The following SRGAP3 variants were observed in gnomAD, a reference collection of about 807,000 sequenced individuals.
The protein encoded by SRGAP3 is SLIT-ROBO Rho GTPase-activating protein 3.
A neutral mutation model predicts 121.1 loss-of-function variants in SRGAP3; 39 were observed. That is an observed-to-expected ratio of 0.32 (90% CI 0.25 to 0.42). The LOEUF is 0.42. SRGAP3 is among the 10% of genes least tolerant of loss of function. The probability of loss-of-function intolerance (pLI) is 1.00; values close to 1 mark genes in which losing one functional copy is unlikely to be tolerated. For missense variants in SRGAP3, 1,213 were observed against 1,470.6 expected, an observed-to-expected ratio of 0.82 and a Z score of 2.86; for synonymous variants, 601 against 570.0, an observed-to-expected ratio of 1.05 and a Z score of -0.77.
At chr3:9,301,670 A>G (rs1955057531) in intron 3 of SRGAP3, among the ~76,000 whole-genome samples, 1 of 152,210 alleles carries the variant, frequency 6.6e-6, no homozygotes, top group Non-Finnish European at 1.5e-5. Flanking sequence ...ACTGGCTTCA[A>G]GAGGAGGTAG....
At chr3:9,220,122 A>G (rs1485363101) in intron 1 of SRGAP3, among the ~76,000 whole-genome samples, 2 of 152,152 alleles carry the variant, frequency 1.3e-5, no homozygotes, top group African/African-American at 4.8e-5. Flanking sequence ...TCAAAAGCAC[A>G]ATAGGGTGAC....
Position 9,010,349 on chromosome 3 carries a change from A to G in SRGAP3, c.2186T>C (p.Val729Ala), listed in dbSNP as rs768484344. ...AGGCTCAGTGCCATTGTCATGGTCA[A>G]CTTCATCGATGGCCCCTGGCTCGCT... is the stretch of plus-strand genomic sequence containing the variant. Reference protein sequence around the residue: ...PHSEPGAIDEVDHDNGTEPHT... With the variant: ...PHSEPGAIDEADHDNGTEPHT... The change falls in exon 18 of 22, where the codon GTT becomes GCT. Residue 729 changes from valine to alanine, a missense_variant. By Grantham distance (64) the Val-to-Ala change is moderately conservative. This residue lies in a region of SRGAP3 where 793 missense variants were observed against 1,032.9 expected (regional missense o/e 0.77). Transcript: ENST00000383836. 3.7e-6 allele frequency: 6 copies of G among 1,613,948 alleles called. No individual in the cohort carries two copies. In the Admixed American group the frequency reaches 5.0e-5, roughly 13 times the overall value.
chr3:9,168,155 C>T (rs944805455), intron 1 of SRGAP3, among the ~76,000 whole-genome samples: 1 of 152,228 alleles, frequency 6.6e-6, no homozygotes, highest in Non-Finnish European at 1.5e-5. Flanking sequence ...AACAGGAGTG[C>T]AACGAAGTCA....
intron 3 of SRGAP3, among the ~76,000 whole-genome samples, chr3:9,086,757 A>G (rs1203769748): frequency 1.3e-5 from 2 of 148,634 alleles, no homozygotes; most frequent in Non-Finnish European, 3.0e-5. Flanking sequence ...TATGTATTAC[A>G]TATACATATA....
At chr3:9,285,694 G>C (rs780804041) in intron 3 of SRGAP3, among the ~76,000 whole-genome samples, 1 of 151,676 alleles carries the variant, frequency 6.6e-6, no homozygotes, top group Non-Finnish European at 1.5e-5. Flanking sequence ...TACTCAGGAA[G>C]CTGAGGCAGG....
intron 1 of SRGAP3, among the ~76,000 whole-genome samples, chr3:9,204,651 CTTTTT>C (rs34957395): frequency 1.1e-4 from 16 of 150,250 alleles, no homozygotes; most frequent in South Asian, 2.1e-4. Context: ...TCCCTAAGGT[CTTTTT>C]TTTTTTTAAG....
At chr3:9,179,012 GT>G (rs767989267) in intron 1 of SRGAP3, among the ~76,000 whole-genome samples, 8 of 152,090 alleles carry the variant, frequency 5.3e-5, no homozygotes, top group Non-Finnish European at 1.2e-4. Context: ...CATGTCCCCT[GT>G]TCATACCAGC....
intron 18 of SRGAP3, among the ~76,000 whole-genome samples, chr3:9,003,268 T>A (rs1942867104): frequency 6.6e-6 from 1 of 152,088 alleles, no homozygotes; most frequent in African/African-American, 2.4e-5. Context: ...TAACTTGAGG[T>A]CAGGAGTTTG....
chr3:9,306,441 G>A (rs1225120115), intron 3 of SRGAP3, among the ~76,000 whole-genome samples: 1 of 152,094 alleles, frequency 6.6e-6, no homozygotes, highest in Admixed American at 6.5e-5. Context: ...GTCTATTTTG[G>A]CTTTTGTTGC....
At position 8,994,635 on chromosome 3, in the gene SRGAP3, G is replaced by A. The variant is rs1474323797; in HGVS notation, c.2228-112C>T. On this transcript the variant is annotated intron_variant, in intron 18 of 21. Transcript: ENST00000383836. ...GGGAAGGATAGACTGCACAGCTGGT[G>A]AGAACATGGACAGAACGCCTGGTGG... 6.5e-6 allele frequency: 9 copies of A among 1,393,078 alleles called. No individual in the cohort carries two copies. The African/African-American group carries it at 8.5e-5, about 13-fold the overall frequency. 86.3% of individuals were successfully genotyped at this position (1,393,078 alleles called of 1,614,324 possible).
chr3:9,087,550 C>T (rs1346640521), intron 3 of SRGAP3, among the ~76,000 whole-genome samples: 19 of 152,118 alleles, frequency 1.2e-4, no homozygotes, highest in Admixed American at 1.2e-3. Context: ...ACTTCCAAGG[C>T]CTTCTTAGCT....
At chr3:9,145,945 G>A (rs1321464282) in intron 1 of SRGAP3, among the ~76,000 whole-genome samples, 1 of 152,206 alleles carries the variant, frequency 6.6e-6, no homozygotes, top group Admixed American at 6.5e-5. Context: ...AAGTTAAGAA[G>A]TTTAGCAGGG....
chr3:9,099,252 G>GC (rs1158998062), intron 3 of SRGAP3, among the ~76,000 whole-genome samples: 1 of 152,102 alleles, frequency 6.6e-6, no homozygotes, highest in Admixed American at 6.6e-5. Context: ...TCAAACACAA[G>GC]CCCCCCACAT....
intron 18 of SRGAP3, among the ~76,000 whole-genome samples, chr3:9,001,425 CA>C (rs1350049296): frequency 6.6e-6 from 1 of 151,842 alleles, no homozygotes; most frequent in African/African-American, 2.4e-5. Context: ...ATAGTGAAAA[CA>C]TCATTAAAGA....
chr3:8,998,353 G>A (rs1436789828), intron 18 of SRGAP3, among the ~76,000 whole-genome samples: 1 of 152,090 alleles, frequency 6.6e-6, no homozygotes, highest in Non-Finnish European at 1.5e-5. Context: ...ATTTCATTCA[G>A]GTCTGTACTC....
intron 1 of SRGAP3, chr3:9,348,393 C>A (rs112017691): frequency 2.2e-4 from 118 of 536,468 alleles, no homozygotes; most frequent in African/African-American, 2.1e-3. Flanking sequence ...GACAAATGTG[C>A]CTCCAGAATC....
intron 1 of SRGAP3, among the ~76,000 whole-genome samples, chr3:9,356,393 GAC>G (rs1350353107): frequency 2.3e-5 from 2 of 87,442 alleles, no homozygotes; most frequent in Non-Finnish European, 4.1e-5. Flanking sequence ...TTTTTTTTGA[GAC>G]AGAGTCCCGC....
intron 21 of SRGAP3, 82 bp downstream of exon 21, chr3:8,990,430 G>T: frequency 6.6e-7 from 1 of 1,518,644 alleles, no homozygotes; most frequent in South Asian, 1.2e-5. Context: ...TAAAGGCCAA[G>T]GTGGCTCCCC....
intron 9 of SRGAP3, among the ~76,000 whole-genome samples, chr3:9,051,709 T>TC (rs1945586543): frequency 1.6e-5 from 2 of 123,472 alleles, no homozygotes; most frequent in South Asian, 5.8e-4. Flanking sequence ...TTTGCTCAAT[T>TC]CTTTTTTTTT....
Sources: allele counts gnomAD v4.1 joint callset (sites outside exome capture counted in the v4.1 genomes callset), GRCh38; gene constraint gnomAD v4.1.1; regional missense constraint gnomAD v4.1.1; transcripts MANE v1.5; gene names NCBI Gene and HGNC (gene_info 2026-07-23, HGNC 2026-07-21).